PLCXD3: variants seen among roughly 807,000 people sequenced by gnomAD.
PLCXD3 encodes PI-PLC X domain-containing protein 3.
A neutral mutation model predicts 25.5 loss-of-function variants in PLCXD3; 19 were observed. The ratio of observed to expected loss-of-function variants is 0.75; its 90% CI spans 0.52 to 1.09. The LOEUF is 1.09. PLCXD3 is among the 50% of genes least tolerant of loss of function. The probability of loss-of-function intolerance (pLI) is 0.00; values close to 1 mark genes in which losing one functional copy is unlikely to be tolerated. For synonymous variants in PLCXD3, 174 were observed against 137.6 expected, an observed-to-expected ratio of 1.26 and a Z score of -1.85; for missense variants, 411 against 388.1, an observed-to-expected ratio of 1.06 and a Z score of -0.50.
intron 2 of PLCXD3, among the ~76,000 whole-genome samples, chr5:41,375,623 C>T (rs1580334228): frequency 6.6e-6 from 1 of 152,140 alleles, no homozygotes; most frequent in African/African-American, 2.4e-5. Context: ...TTAGGGGGTT[C>T]CATGCTAACA....
chr5:41,493,308 G>A (rs1236927243), intron 1 of PLCXD3, among the ~76,000 whole-genome samples: 3 of 152,182 alleles, frequency 2.0e-5, no homozygotes, highest in Non-Finnish European at 2.9e-5. Flanking sequence ...TCTCAGAGGA[G>A]TACCTGGCCG....
At chr5:41,335,105 C>A (rs1164629111) in intron 2 of PLCXD3, among the ~76,000 whole-genome samples, 1 of 152,156 alleles carries the variant, frequency 6.6e-6, no homozygotes, top group Non-Finnish European at 1.5e-5. Flanking sequence ...GCACAAGTAG[C>A]CCCTCACTCA....
chr5:41,341,889 C>T (rs969140590), intron 2 of PLCXD3, among the ~76,000 whole-genome samples: 23 of 152,106 alleles, frequency 1.5e-4, no homozygotes, highest in African/African-American at 5.6e-4. Flanking sequence ...ACCTGGATTA[C>T]AAAGGAGCAC....
chr5:41,356,190 C>T (rs1253560284), intron 2 of PLCXD3, among the ~76,000 whole-genome samples: 1 of 152,126 alleles, frequency 6.6e-6, no homozygotes, highest in Non-Finnish European at 1.5e-5. Context: ...TGCTTGAACC[C>T]AGGAGGCGGA....
intron 2 of PLCXD3, among the ~76,000 whole-genome samples, chr5:41,331,369 G>C (rs898179570): frequency 1.1e-4 from 17 of 152,138 alleles, no homozygotes; most frequent in African/African-American, 3.4e-4. Context: ...AAAATACCTA[G>C]GAATCCAACT....
intron 2 of PLCXD3, among the ~76,000 whole-genome samples, chr5:41,321,038 CATGACA>C (rs1743453949): frequency 6.6e-6 from 1 of 152,184 alleles, no homozygotes; most frequent in African/African-American, 2.4e-5. Context: ...AGAGCTGGCA[CATGACA>C]AGGATGCCCA....
chr5:41,344,056 A>G (rs1744237169), intron 2 of PLCXD3, among the ~76,000 whole-genome samples: 1 of 152,144 alleles, frequency 6.6e-6, no homozygotes, highest in African/African-American at 2.4e-5. Context: ...TCTTGAACTG[A>G]AAAAGTAATC....
chr5:41,490,139 C>T (rs1177491393), intron 1 of PLCXD3, among the ~76,000 whole-genome samples: 1 of 152,126 alleles, frequency 6.6e-6, no homozygotes, highest in South Asian at 2.1e-4. Context: ...GAGTTTTTAG[C>T]ATGAAGTGTT....
At chr5:41,356,084 G>GC (rs1744610002) in intron 2 of PLCXD3, among the ~76,000 whole-genome samples, 1 of 152,076 alleles carries the variant, frequency 6.6e-6, no homozygotes, top group South Asian at 2.1e-4. Flanking sequence ...GCCTAACATG[G>GC]CAAAACCCTG....
At chr5:41,432,828 G>A (rs1037894170) in intron 1 of PLCXD3, among the ~76,000 whole-genome samples, 1 of 152,194 alleles carries the variant, frequency 6.6e-6, no homozygotes, top group African/African-American at 2.4e-5. Flanking sequence ...TTCTGGATAT[G>A]TTCGTTGAAC....
chr5:41,353,137 G>A (rs1328696594), intron 2 of PLCXD3, among the ~76,000 whole-genome samples: 1 of 148,520 alleles, frequency 6.7e-6, no homozygotes, highest in African/African-American at 2.5e-5. Context: ...CTGTTGCCCA[G>A]GCTGGAGTGC....
intron 1 of PLCXD3, among the ~76,000 whole-genome samples, chr5:41,457,350 A>AT (rs1747776028): frequency 6.6e-6 from 1 of 151,916 alleles, no homozygotes; most frequent in Admixed American, 6.6e-5. Flanking sequence ...CTATTTATAC[A>AT]TTTTTAAGTG....
At chr5:41,325,824 T>C (rs1480626431) in intron 2 of PLCXD3, among the ~76,000 whole-genome samples, 8 of 152,156 alleles carry the variant, frequency 5.3e-5, no homozygotes, top group Admixed American at 1.3e-4. Context: ...ACAACAGAAA[T>C]GTATTTCTCA....
intron 1 of PLCXD3, among the ~76,000 whole-genome samples, chr5:41,395,177 G>A (rs1051826772): frequency 1.3e-5 from 2 of 151,984 alleles, no homozygotes; most frequent in Non-Finnish European, 2.9e-5. Context: ...GATGAATTTG[G>A]GAAACTATAC....
intron 2 of PLCXD3, among the ~76,000 whole-genome samples, chr5:41,357,575 C>G (rs538135928): frequency 2.6e-5 from 4 of 152,238 alleles, no homozygotes; most frequent in African/African-American, 9.6e-5. Flanking sequence ...AAGAGCTGAC[C>G]AGGCAGTCAA....
At chr5:41,473,685 T>C (rs1748220530) in intron 1 of PLCXD3, among the ~76,000 whole-genome samples, 2 of 152,122 alleles carry the variant, frequency 1.3e-5, no homozygotes, top group Admixed American at 6.5e-5. Flanking sequence ...CTTGATCTCC[T>C]GACCTCGTGA....
At chr5:41,347,193 C>T (rs1039563705) in intron 2 of PLCXD3, among the ~76,000 whole-genome samples, 2 of 152,120 alleles carry the variant, frequency 1.3e-5, no homozygotes, top group African/African-American at 4.8e-5. Context: ...TGGATTTTAG[C>T]CATTCAAAGT....
chr5:41,453,981 A>T (rs1747695140), intron 1 of PLCXD3, among the ~76,000 whole-genome samples: 1 of 151,982 alleles, frequency 6.6e-6, no homozygotes, highest in Non-Finnish European at 1.5e-5. Context: ...ATATTCATCA[A>T]CAAGAGAAAA....
intron 1 of PLCXD3, among the ~76,000 whole-genome samples, chr5:41,455,579 C>G (rs1403694033): frequency 6.6e-6 from 1 of 151,818 alleles, no homozygotes; most frequent in African/African-American, 2.4e-5. Context: ...TACATAAACT[C>G]TGATGGAATG....
Sources: gnomAD v4.1 joint callset for allele counts (sites outside exome capture counted in the v4.1 genomes callset) on GRCh38, gnomAD v4.1.1 for gene constraint, MANE v1.5 for transcripts, NCBI Gene and HGNC (gene_info 2026-07-23, HGNC 2026-07-21) for gene names.